Variants in TBC1D19 observed in about 807,000 individuals in gnomAD.
TBC1D19 encodes the protein TBC1 domain family member 19, also known as TBC1 domain family, member 19.
In TBC1D19, 60 loss-of-function variants were observed where a neutral mutation model predicts 89.0. The ratio of observed to expected loss-of-function variants is 0.67; its 90% CI spans 0.55 to 0.84. The LOEUF (loss-of-function observed/expected upper bound fraction) is 0.84. Ranked by LOEUF, TBC1D19 falls within the 40% of genes least tolerant of loss-of-function variation. TBC1D19 has a pLI of 0.00. For missense variants in TBC1D19, 500 were observed against 610.8 expected, an observed-to-expected ratio of 0.82 and a Z score of 1.91; for synonymous variants, 189 against 199.7, an observed-to-expected ratio of 0.95 and a Z score of 0.45.
At chr4:26,763,296 C>A in the TBC1D19 span, among the ~76,000 whole-genome samples, 3 of 152,076 alleles carry the variant, frequency 2.0e-5, no homozygotes, top group Non-Finnish European at 4.4e-5. Context: ...GTCAGACATG[C>A]CTCACTATAC....
chr4:26,609,684 G>A (rs989542200), intron 1 of TBC1D19, among the ~76,000 whole-genome samples: 1 of 152,142 alleles, frequency 6.6e-6, no homozygotes, highest in African/African-American at 2.4e-5. Context: ...GAAGGACCAA[G>A]TATGCCCTGT....
At chr4:26,598,517 C>G (rs766224375) in intron 1 of TBC1D19, among the ~76,000 whole-genome samples, 2 of 152,194 alleles carry the variant, frequency 1.3e-5, no homozygotes, top group Admixed American at 6.5e-5. Context: ...GTCTCAGCCT[C>G]CTGAGCAGCT....
At chr4:26,708,731 C>T (rs1444925577) in intron 13 of TBC1D19, among the ~76,000 whole-genome samples, 1 of 151,950 alleles carries the variant, frequency 6.6e-6, no homozygotes, top group East Asian at 1.9e-4. Context: ...ATTCTTTCTT[C>T]TACCTGCTCA....
the TBC1D19 span, among the ~76,000 whole-genome samples, chr4:26,816,339 A>G: frequency 6.6e-6 from 1 of 152,200 alleles, no homozygotes; most frequent in African/African-American, 2.4e-5. Flanking sequence ...GCACTGTGAA[A>G]TGTTTTCACA....
chr4:26,646,687 C>A (rs1271528446), intron 7 of TBC1D19, among the ~76,000 whole-genome samples: 1 of 152,128 alleles, frequency 6.6e-6, no homozygotes, highest in Non-Finnish European at 1.5e-5. Flanking sequence ...TCTGAGCAAA[C>A]TATCGCAAGA....
chr4:26,610,169 T>C (rs1741270849), intron 1 of TBC1D19, among the ~76,000 whole-genome samples: 1 of 152,012 alleles, frequency 6.6e-6, no homozygotes, highest in Non-Finnish European at 1.5e-5. Context: ...AGAGAAAGTA[T>C]AGATTGGGAG....
the TBC1D19 span, among the ~76,000 whole-genome samples, chr4:26,851,234 G>A: frequency 6.6e-6 from 1 of 152,164 alleles, no homozygotes; most frequent in Admixed American, 6.5e-5. Context: ...TGGGTCTTCA[G>A]GTTGCAGAGG....
intron 10 of TBC1D19, among the ~76,000 whole-genome samples, chr4:26,673,474 C>CACACACACACACACACAA (rs371830256): frequency 6.8e-6 from 1 of 147,892 alleles, no homozygotes; most frequent in African/African-American, 2.5e-5. Flanking sequence ...CACACACACA[C>CACACACACACACACACAA]AATACTAGTT....
At chr4:26,678,788 G>A (rs1713073916) in intron 11 of TBC1D19, among the ~76,000 whole-genome samples, 1 of 152,140 alleles carries the variant, frequency 6.6e-6, no homozygotes, top group African/African-American at 2.4e-5. Flanking sequence ...TAAAATATGG[G>A]GGAGGTATGT....
At chr4:26,583,861 T>A (rs1739236510), upstream of TBC1D19, 1 of 311,134 alleles carries the variant, frequency 3.2e-6, no homozygotes. Flanking sequence ...CAATTCTCCG[T>A]GTCCCCCTTG....
chr4:26,808,819 C>G, the TBC1D19 span, among the ~76,000 whole-genome samples: 1 of 151,826 alleles, frequency 6.6e-6, no homozygotes, highest in Non-Finnish European at 1.5e-5. Flanking sequence ...CTCCAAGTAC[C>G]AACTAAGCTA....
At chr4:26,720,226 A>G in intron 15 of TBC1D19, 101 bp downstream of exon 15, 2 of 823,370 alleles carry the variant, frequency 2.4e-6, no homozygotes, top group Non-Finnish European at 3.7e-6. Flanking sequence ...ATAATCATTT[A>G]TTATCTAAAA....
the TBC1D19 span, among the ~76,000 whole-genome samples, chr4:26,778,377 C>T: frequency 6.9e-6 from 1 of 145,764 alleles, no homozygotes; most frequent in Non-Finnish European, 1.5e-5. Flanking sequence ...GATCGTGCCA[C>T]TGCACTCCAG....
At chr4:26,652,034 T>G (rs981709081) in intron 7 of TBC1D19, among the ~76,000 whole-genome samples, 4 of 151,976 alleles carry the variant, frequency 2.6e-5, no homozygotes, top group African/African-American at 9.7e-5. Flanking sequence ...TGCATGTGTT[T>G]AACCAGCCTT....
chr4:26,645,963 A>T (rs1201961415), intron 7 of TBC1D19, among the ~76,000 whole-genome samples: 1 of 151,532 alleles, frequency 6.6e-6, no homozygotes, highest in Non-Finnish European at 1.5e-5. Context: ...CTCTACTAAA[A>T]ATACAAAAAA....
intron 1 of TBC1D19, among the ~76,000 whole-genome samples, chr4:26,600,336 C>A (rs1348675182): frequency 1.3e-5 from 2 of 152,076 alleles, no homozygotes; most frequent in Non-Finnish European, 1.5e-5. Flanking sequence ...AAAAGTTAAA[C>A]ACAGTAAAGA....
intron 7 of TBC1D19, among the ~76,000 whole-genome samples, chr4:26,641,229 C>T (rs1382656288): frequency 6.6e-6 from 1 of 152,212 alleles, no homozygotes; most frequent in African/African-American, 2.4e-5. Context: ...GCAATATTTG[C>T]TCTTCTGCAA....
At chr4:26,753,460 T>C (rs932305477) in intron 19 of TBC1D19, among the ~76,000 whole-genome samples, 1 of 152,020 alleles carries the variant, frequency 6.6e-6, no homozygotes, top group African/African-American at 2.4e-5. Flanking sequence ...TAAGACACCA[T>C]CTCTACCAAA....
At chr4:26,745,368 T>C (rs1331075517) in intron 18 of TBC1D19, among the ~76,000 whole-genome samples, 1 of 151,924 alleles carries the variant, frequency 6.6e-6, no homozygotes. Flanking sequence ...ATGTTCTCTT[T>C]ATTCCTTTTT....
Sources: gnomAD v4.1 joint callset for allele counts (sites outside exome capture counted in the v4.1 genomes callset) on GRCh38, gnomAD v4.1.1 for gene constraint, MANE v1.5 for transcripts, NCBI Gene and HGNC (gene_info 2026-07-23, HGNC 2026-07-21) for gene names.